PDE11A: variants seen among roughly 807,000 people sequenced by gnomAD.
The protein encoded by PDE11A is dual 3',5'-cyclic-AMP and -GMP phosphodiesterase 11A.
In PDE11A, 100 loss-of-function variants were observed where a neutral mutation model predicts 100.5. That is an observed-to-expected ratio of 1.00 (90% CI 0.85 to 1.18). The LOEUF is 1.18. PDE11A is among the 50% of genes most tolerant of loss of function. The probability of loss-of-function intolerance (pLI) is 0.00; values close to 1 mark genes in which losing one functional copy is unlikely to be tolerated. For missense variants in PDE11A, 1,141 were observed against 1,152.6 expected (o/e 0.99, Z 0.15); for synonymous variants, 381 against 420.8 (o/e 0.91, Z 1.16).
intron 6 of PDE11A, among the ~76,000 whole-genome samples, chr2:177,827,271 G>T (rs1185378638): frequency 6.6e-6 from 1 of 152,200 alleles, no homozygotes; most frequent in African/African-American, 2.4e-5. Flanking sequence ...ACAGAGTTCA[G>T]ATCACACCAC....
At chr2:178,041,485 G>A (rs879328283) in intron 1 of PDE11A, among the ~76,000 whole-genome samples, 15 of 150,928 alleles carry the variant, frequency 9.9e-5, no homozygotes, top group East Asian at 3.9e-4. Flanking sequence ...CTTCTGATCC[G>A]CCCGCCTCAG....
chr2:177,927,689 A>G (rs1461343468), intron 2 of PDE11A, among the ~76,000 whole-genome samples: 1 of 152,250 alleles, frequency 6.6e-6, no homozygotes, highest in Non-Finnish European at 1.5e-5. Flanking sequence ...TAGTTTGTCT[A>G]CCTTTGAGAA....
At chr2:177,872,181 AT>A (rs1461686282) in intron 5 of PDE11A, among the ~76,000 whole-genome samples, 1 of 152,224 alleles carries the variant, frequency 6.6e-6, no homozygotes, top group Non-Finnish European at 1.5e-5. Context: ...TAGGTACTCA[AT>A]ATATGACTGT....
At chr2:177,644,499 A>AT (rs2080191132) in intron 19 of PDE11A, among the ~76,000 whole-genome samples, 1 of 152,160 alleles carries the variant, frequency 6.6e-6, no homozygotes, top group Non-Finnish European at 1.5e-5. Context: ...CTATACTCCC[A>AT]TTTTATCTAG....
At chr2:177,722,553 TGG>T (rs2081546014) in intron 12 of PDE11A, among the ~76,000 whole-genome samples, 1 of 152,166 alleles carries the variant, frequency 6.6e-6, no homozygotes. Flanking sequence ...AGTGCCTAAT[TGG>T]GGCTCTGAGA....
At chr2:177,774,720 A>C (rs1046924800) in intron 9 of PDE11A, among the ~76,000 whole-genome samples, 1 of 152,168 alleles carries the variant, frequency 6.6e-6, no homozygotes, top group African/African-American at 2.4e-5. Flanking sequence ...TACATTACTA[A>C]CTTCCAACTT....
chr2:178,087,502 T>C (rs550824473), intron 2 of PDE11A, among the ~76,000 whole-genome samples: 6 of 152,210 alleles, frequency 3.9e-5, no homozygotes, highest in Non-Finnish European at 5.9e-5. Flanking sequence ...AACCTCATGC[T>C]GTCACTTAAA....
At chr2:178,064,674 C>T (rs2087020303) in intron 1 of PDE11A, among the ~76,000 whole-genome samples, 2 of 151,618 alleles carry the variant, frequency 1.3e-5, no homozygotes, top group Non-Finnish European at 2.9e-5. Context: ...AAAGTAGACA[C>T]CCTGCCGGGC....
At chr2:177,718,496 G>A (rs2081476421) in intron 12 of PDE11A, among the ~76,000 whole-genome samples, 1 of 152,180 alleles carries the variant, frequency 6.6e-6, no homozygotes, top group South Asian at 2.1e-4. Flanking sequence ...GGAAGAGATT[G>A]ATACTGCAGA....
At chr2:177,648,201 T>A (rs1267671184) in intron 19 of PDE11A, among the ~76,000 whole-genome samples, 1 of 152,170 alleles carries the variant, frequency 6.6e-6, no homozygotes, top group African/African-American at 2.4e-5. Flanking sequence ...GAGGATATTG[T>A]ATCATTAGCT....
At chr2:178,050,038 G>A (rs955672175) in intron 1 of PDE11A, among the ~76,000 whole-genome samples, 4 of 152,184 alleles carry the variant, frequency 2.6e-5, no homozygotes, top group African/African-American at 9.7e-5. Context: ...TCTGGGAACG[G>A]ACAGACTGCC....
chr2:177,663,440 T>TA lies in PDE11A; in HGVS notation c.2646+425dup, dbSNP rs879448595. 3.6e-3 allele frequency among the ~76,000 whole-genome samples: 484 copies of TA among 132,754 alleles called. 2 individuals are homozygous for TA. The East Asian group carries it at 0.037, about 10-fold the overall frequency. The allele number at this position is 132,754 out of a possible 152,430, so 87.1% of individuals were successfully genotyped here. ...ACATTATATTAATAAAGAAAATTTG[T>TA]AAAAAAAAAAAATTTCCATGGTCAA... On this transcript the variant is annotated intron_variant, in intron 19 of 19. Transcript: ENST00000286063.
rs187663374 is a variant in PDE11A, at chr2:177,808,901, T to C, written c.1737+7928A>G. Reference sequence around the variant, plus strand: ...GTGTGAATGGATAAACAAAATGTGGTATATACTTACAATGGAATATTATTC... The same window carrying C: ...GTGTGAATGGATAAACAAAATGTGGCATATACTTACAATGGAATATTATTC... On this transcript the variant is annotated intron_variant, in intron 9 of 19. Transcript: ENST00000286063. 4.4e-4 allele frequency among the ~76,000 whole-genome samples: 67 copies of C among 152,274 alleles called. 1 individual carries two copies. The highest frequency in any genetic ancestry group is 4.3e-3 in the Admixed American group (65 of 15,270).
At chr2:178,037,790 A>G (rs1178501176) in intron 1 of PDE11A, among the ~76,000 whole-genome samples, 1 of 152,164 alleles carries the variant, frequency 6.6e-6, no homozygotes, top group Non-Finnish European at 1.5e-5. Context: ...CAAACACCAC[A>G]TGTTCTCACT....
chr2:178,031,094 G>A (rs1341458542), intron 1 of PDE11A, among the ~76,000 whole-genome samples: 2 of 151,894 alleles, frequency 1.3e-5, no homozygotes, highest in Non-Finnish European at 2.9e-5. Flanking sequence ...TCTTTATAAA[G>A]GCAGAAAAAG....
intron 6 of PDE11A, 32 bp from the exon 7 acceptor site, chr2:177,820,327 G>C: frequency 9.0e-7 from 1 of 1,115,636 alleles, no homozygotes; most frequent in Non-Finnish European, 1.4e-6. Context: ...AATTAAAATT[G>C]AATATTAACT....
At chr2:177,869,700 C>T (rs902264976) in intron 5 of PDE11A, among the ~76,000 whole-genome samples, 1 of 152,184 alleles carries the variant, frequency 6.6e-6, no homozygotes, top group Non-Finnish European at 1.5e-5. Flanking sequence ...TGGGGGTCAA[C>T]ATTCTGCCTC....
At chr2:177,651,584 C>T (rs2080309622) in intron 19 of PDE11A, among the ~76,000 whole-genome samples, 1 of 152,024 alleles carries the variant, frequency 6.6e-6, no homozygotes, top group Admixed American at 6.6e-5. Context: ...GTTAGAAAAA[C>T]ACTCAGCCCT....
intron 9 of PDE11A, among the ~76,000 whole-genome samples, chr2:177,816,002 G>T (rs112406394): frequency 6.6e-6 from 1 of 152,094 alleles, no homozygotes; most frequent in Non-Finnish European, 1.5e-5. Context: ...CCTGAGGTCA[G>T]GAGTTCAAGA....
Sources: gnomAD v4.1 joint callset for allele counts (sites outside exome capture counted in the v4.1 genomes callset) on GRCh38, gnomAD v4.1.1 for gene constraint, MANE v1.5 for transcripts, NCBI Gene and HGNC (gene_info 2026-07-23, HGNC 2026-07-21) for gene names.